The following ESRRG variants were observed in gnomAD, a reference collection of about 807,000 sequenced individuals.
The protein encoded by ESRRG is estrogen-related receptor gamma.
ESRRG carries 13 observed loss-of-function variants against 44.0 expected under a neutral mutation model. The ratio of observed to expected loss-of-function variants is 0.30; its 90% confidence interval spans 0.19 to 0.47. ESRRG has a LOEUF of 0.47. Among genes scored for constraint, ESRRG ranks in the 20% least tolerant of loss-of-function variants. The pLI is 1.00. For missense variants in ESRRG, 395 were observed against 580.6 expected (o/e 0.68, Z 3.29); for synonymous variants, 215 against 214.6 (o/e 1.00, Z -0.02).
intron 3 of ESRRG, among the ~76,000 whole-genome samples, chr1:216,613,127 G>T (rs76654614): frequency 0.026 from 3,954 of 152,228 alleles, 178 homozygotes; most frequent in African/African-American, 0.09. Context: ...AAATTTCTGG[G>T]TTACTGTTGG....
intron 3 of ESRRG, among the ~76,000 whole-genome samples, chr1:216,642,689 A>C (rs1279539990): frequency 1.3e-5 from 2 of 152,244 alleles, no homozygotes; most frequent in East Asian, 3.9e-4. Flanking sequence ...AATACCATTA[A>C]AGCTTTCTCC....
intron 5 of ESRRG, 131 bp downstream of exon 5, chr1:216,564,088 A>T (rs1250217728): frequency 6.0e-6 from 3 of 499,126 alleles, no homozygotes. Context: ...ACTCTAAATT[A>T]TGATTAAAAA....
intron 2 of ESRRG, among the ~76,000 whole-genome samples, chr1:216,817,909 T>C (rs1368799660): frequency 6.7e-6 from 1 of 148,610 alleles, no homozygotes; most frequent in Non-Finnish European, 1.5e-5. Context: ...CTCTAATCCA[T>C]ATGCAATTCT....
At chr1:217,068,360 T>A (rs2090076186) in intron 1 of ESRRG, among the ~76,000 whole-genome samples, 1 of 151,948 alleles carries the variant, frequency 6.6e-6, no homozygotes, top group African/African-American at 2.4e-5. Context: ...AGTCTTTTTT[T>A]TTTTTTTAAC....
At chr1:217,133,452 T>A (rs539107557) in intron 1 of ESRRG, among the ~76,000 whole-genome samples, 1 of 152,264 alleles carries the variant, frequency 6.6e-6, no homozygotes, top group Non-Finnish European at 1.5e-5. Flanking sequence ...TGGCCAATAC[T>A]TGAGCGACGC....
chr1:216,665,589 A>G (rs1030650212), intron 2 of ESRRG, among the ~76,000 whole-genome samples: 1 of 152,198 alleles, frequency 6.6e-6, no homozygotes, highest in Non-Finnish European at 1.5e-5. Flanking sequence ...TACATCTGGC[A>G]TGATGAAATA....
intron 2 of ESRRG, chr1:216,804,995 T>G (rs1382007146): frequency 6.6e-6 from 1 of 152,234 alleles, no homozygotes; most frequent in Non-Finnish European, 1.5e-5. Context: ...CTGTTATGTT[T>G]ATTTTTGCTG....
At chr1:216,774,728 CAG>C (rs1397166989) in intron 2 of ESRRG, among the ~76,000 whole-genome samples, 7 of 148,960 alleles carry the variant, frequency 4.7e-5, no homozygotes, top group African/African-American at 1.2e-4. Context: ...TGTGTACGAA[CAG>C]AGTCTAAAAA....
rs1447611790 is a variant in ESRRG, at chr1:216,505,043, A to C, written c.*1896T>G. On this transcript the variant is annotated 3_prime_UTR_variant, in exon 7 of 7. Transcript: ENST00000408911. ...AGTCTTTGAATGCAACATAAAATTCAGAAAAGCACAGCAAACATGAAACAT... is the reference window on the plus strand; with the variant it reads ...AGTCTTTGAATGCAACATAAAATTCCGAAAAGCACAGCAAACATGAAACAT... The C allele has an allele frequency of 6.6e-6, 1 of 152,648 alleles. No individual in the cohort carries two copies. The allele number at this position is 152,648 out of a possible 1,614,324, so 9.5% of individuals were successfully genotyped here.
chr1:217,071,888 A>AC (rs1341304862), intron 1 of ESRRG, among the ~76,000 whole-genome samples: 1 of 152,036 alleles, frequency 6.6e-6, no homozygotes. Context: ...CAGAATTCAA[A>AC]CCCCTGGGGT....
intron 1 of ESRRG, among the ~76,000 whole-genome samples, chr1:217,075,495 G>A (rs1008386883): frequency 6.6e-6 from 1 of 151,878 alleles, no homozygotes; most frequent in Non-Finnish European, 1.5e-5. Context: ...GGAGAATCAA[G>A]GTGAGGAAAA....
At chr1:216,533,156 A>G (rs1454685667) in intron 5 of ESRRG, among the ~76,000 whole-genome samples, 1 of 152,142 alleles carries the variant, frequency 6.6e-6, no homozygotes, top group African/African-American at 2.4e-5. Context: ...ATCCATGTGT[A>G]TAAATACTAA....
chr1:217,102,187 C>G (rs1231801627), intron 1 of ESRRG, among the ~76,000 whole-genome samples: 1 of 152,166 alleles, frequency 6.6e-6, no homozygotes, highest in Non-Finnish European at 1.5e-5. Context: ...CTTTTAACAA[C>G]CTTATGCAAT....
At chr1:217,089,148 G>T (rs1036791345) in intron 1 of ESRRG, among the ~76,000 whole-genome samples, 3 of 151,760 alleles carry the variant, frequency 2.0e-5, no homozygotes, top group Non-Finnish European at 1.5e-5. Flanking sequence ...CCCTCCCAGC[G>T]CCCTAACTCT....
chr1:216,758,302 A>G (rs1036038971), intron 2 of ESRRG, among the ~76,000 whole-genome samples: 2 of 152,034 alleles, frequency 1.3e-5, no homozygotes, highest in African/African-American at 2.4e-5. Flanking sequence ...CCGTCTGTTT[A>G]ATGTCATTAG....
intron 1 of ESRRG, among the ~76,000 whole-genome samples, chr1:217,032,244 AT>A (rs1558037382): frequency 6.6e-6 from 1 of 152,160 alleles, no homozygotes; most frequent in Non-Finnish European, 1.5e-5. Context: ...TGAAAATTAA[AT>A]TTTCAGTAAG....
intron 1 of ESRRG, among the ~76,000 whole-genome samples, chr1:216,692,674 C>T (rs1317973300): frequency 6.6e-6 from 1 of 152,206 alleles, no homozygotes; most frequent in Non-Finnish European, 1.5e-5. Flanking sequence ...CATTTACTCA[C>T]TGACTCACCC....
intron 5 of ESRRG, among the ~76,000 whole-genome samples, chr1:216,559,814 G>C (rs1232732704): frequency 1.3e-5 from 2 of 152,076 alleles, no homozygotes; most frequent in African/African-American, 4.8e-5. Flanking sequence ...ATTTGACTCT[G>C]TAAAATTTAT....
At chr1:216,995,044 C>A (rs1196318815) in intron 1 of ESRRG, among the ~76,000 whole-genome samples, 3 of 152,120 alleles carry the variant, frequency 2.0e-5, no homozygotes, top group African/African-American at 7.2e-5. Context: ...AATCTGGAAG[C>A]TTTTAGGAAC....
Sources: gnomAD v4.1 joint callset for allele counts (sites outside exome capture counted in the v4.1 genomes callset) on GRCh38, gnomAD v4.1.1 for gene constraint, MANE v1.5 for transcripts, NCBI Gene and HGNC (gene_info 2026-07-23, HGNC 2026-07-21) for gene names.